Variants in DLG2 observed in about 807,000 individuals in gnomAD.
DLG2 encodes disks large homolog 2.
In DLG2, 45 loss-of-function variants were observed where a neutral mutation model predicts 132.5. That is an observed-to-expected ratio of 0.34 (90% confidence interval 0.27 to 0.44). DLG2 has a LOEUF of 0.44. DLG2 is among the 20% of genes least tolerant of loss of function. The pLI is 1.00. For missense variants in DLG2, 1,045 were observed against 1,196.9 expected (o/e 0.87, Z 1.87); for synonymous variants, 424 against 419.6 (o/e 1.01, Z -0.13).
At chr11:83,983,138 G>A (rs1241553350) in intron 11 of DLG2, among the ~76,000 whole-genome samples, 1 of 152,010 alleles carries the variant, frequency 6.6e-6, no homozygotes, top group East Asian at 1.9e-4. Context: ...CATTTTAAAG[G>A]AATAATTAAT....
rs1458088688 is a variant in DLG2 at position 83,949,798 on chromosome 11, T to C, written c.1340+13087A>G. On this transcript the variant is annotated intron_variant, in intron 14 of 27. Coordinates refer to ENST00000376104, the MANE Select transcript of DLG2 (RefSeq NM_001142699.3). Reference sequence around the variant, plus strand: ...CAGTTCCAAAAGTCATGCTACTTCCTTCCACTTACCTTCCTGCCTCTAAAA... The same window carrying C: ...CAGTTCCAAAAGTCATGCTACTTCCCTCCACTTACCTTCCTGCCTCTAAAA... Among the ~76,000 whole-genome samples the C allele has an allele frequency of 2.6e-5, 4 of 152,270 alleles. No individual in the cohort carries two copies. In the East Asian group the frequency reaches 5.8e-4, roughly 22 times the overall value.
chr11:85,471,027 C>T (rs1268232106), intron 3 of DLG2, among the ~76,000 whole-genome samples: 1 of 152,172 alleles, frequency 6.6e-6, no homozygotes, highest in African/African-American at 2.4e-5. Context: ...CCCTTATTTA[C>T]ATTTGAAAGA....
At chr11:84,714,617 T>TCTCTCTCTCTCTCTCTCTC (rs2060938628) in intron 6 of DLG2, among the ~76,000 whole-genome samples, 1 of 96,604 alleles carries the variant, frequency 1.0e-5, no homozygotes, top group African/African-American at 4.4e-5. Context: ...CTCTTTCTCT[T>TCTCTCTCTCTCTCTCTCTC]TCTCTTTCTC....
chr11:83,779,224 G>T (rs2094708238), intron 18 of DLG2, among the ~76,000 whole-genome samples: 1 of 152,076 alleles, frequency 6.6e-6, no homozygotes, highest in Non-Finnish European at 1.5e-5. Flanking sequence ...CAGCTGGCTG[G>T]CTGGCTGGAT....
At chr11:84,005,288 G>T (rs2094527882) in intron 11 of DLG2, among the ~76,000 whole-genome samples, 1 of 151,878 alleles carries the variant, frequency 6.6e-6, no homozygotes, top group South Asian at 2.1e-4. Flanking sequence ...AGGAATATTG[G>T]ATATCCACAT....
intron 18 of DLG2, among the ~76,000 whole-genome samples, chr11:83,684,857 CTT>C (rs1170273257): frequency 6.6e-6 from 1 of 152,032 alleles, no homozygotes; most frequent in East Asian, 1.9e-4. Context: ...CATGATAACT[CTT>C]ATATTGTAGC....
intron 11 of DLG2, among the ~76,000 whole-genome samples, chr11:84,021,905 A>G (rs569778350): frequency 1.8e-4 from 28 of 152,026 alleles, no homozygotes; most frequent in African/African-American, 6.0e-4. Flanking sequence ...GTGCCACCAC[A>G]CCTGGCTAAT....
chr11:84,059,825 C>T (rs751497971), intron 10 of DLG2, among the ~76,000 whole-genome samples: 1 of 152,086 alleles, frequency 6.6e-6, no homozygotes, highest in Non-Finnish European at 1.5e-5. Context: ...ATTGGTTTGA[C>T]TGAAAGTTAC....
At chr11:84,972,696 C>A (rs1340000067) in intron 6 of DLG2, among the ~76,000 whole-genome samples, 1 of 152,180 alleles carries the variant, frequency 6.6e-6, no homozygotes, top group Non-Finnish European at 1.5e-5. Context: ...CAAGTGTTCT[C>A]CCGAATATTA....
intron 6 of DLG2, among the ~76,000 whole-genome samples, chr11:84,761,819 T>C (rs2067667796): frequency 6.6e-6 from 1 of 152,158 alleles, no homozygotes; most frequent in Admixed American, 6.5e-5. Context: ...CTTTACTTTG[T>C]GATTGTGTGA....
At chr11:84,339,669 C>A (rs1262726804) in intron 7 of DLG2, among the ~76,000 whole-genome samples, 5 of 152,150 alleles carry the variant, frequency 3.3e-5, no homozygotes, top group African/African-American at 1.2e-4. Context: ...CTATCAAGAT[C>A]ATCCCTTAGG....
At position 83,965,346 on chromosome 11, in the gene DLG2, A is replaced by T; in HGVS notation, c.1179T>A (p.Tyr393Ter). 6.2e-7 allele frequency: 1 copy of T among 1,611,276 alleles called. No individual in the cohort carries two copies. Among genetic ancestry groups the T allele is most frequent in the Non-Finnish European group, 8.5e-7 (1 of 1,178,432 alleles). ...TACAGTGAGTAATATCAGGTGGACC[A>T]TAAGGATCAGTCATATAAATGGTAG... Reference protein sequence around the residue: ...KPTTIYMTDPYGPPDITHSYS... With the variant: ...KPTTIYMTDP Residue 393 changes from tyrosine (Y) to a stop codon, truncating the protein, a stop_gained, in exon 13 of 28, where the codon TAT (tyrosine) becomes TAA (stop). Transcript: ENST00000376104. LOFTEE classifies it high-confidence loss of function.
intron 17 of DLG2, among the ~76,000 whole-genome samples, chr11:83,825,160 T>C (rs1455566565): frequency 1.0e-5 from 1 of 98,332 alleles, no homozygotes; most frequent in African/African-American, 4.7e-5. Context: ...CACATATATA[T>C]ATATATATAT....
At chr11:83,517,016 C>T (rs548250621) in intron 21 of DLG2, among the ~76,000 whole-genome samples, 1 of 152,256 alleles carries the variant, frequency 6.6e-6, no homozygotes, top group African/African-American at 2.4e-5. Flanking sequence ...AGTTGCTCTT[C>T]TCAAGGAGTA....
At chr11:85,297,507 T>G (rs776164716) in intron 3 of DLG2, among the ~76,000 whole-genome samples, 49 of 152,210 alleles carry the variant, frequency 3.2e-4, no homozygotes, top group Admixed American at 7.2e-4. Context: ...ACTATGCTGA[T>G]AGTTCCACTA....
chr11:85,147,418 C>G (rs1444200687), intron 5 of DLG2, among the ~76,000 whole-genome samples: 1 of 152,092 alleles, frequency 6.6e-6, no homozygotes, highest in African/African-American at 2.4e-5. Flanking sequence ...TTTTATATAC[C>G]TGTTGGACAT....
chr11:85,267,110 T>C (rs1202096049), intron 4 of DLG2, among the ~76,000 whole-genome samples: 1 of 152,222 alleles, frequency 6.6e-6, no homozygotes, highest in Non-Finnish European at 1.5e-5. Context: ...TGTGATGTTA[T>C]TTAGGCCTTT....
At chr11:84,820,292 C>T (rs1447615067) in intron 6 of DLG2, among the ~76,000 whole-genome samples, 17 of 151,808 alleles carry the variant, frequency 1.1e-4, no homozygotes, top group Non-Finnish European at 1.5e-5. Flanking sequence ...CTTGTGATGG[C>T]CTTACTTCAC....
chr11:85,379,432 T>C (rs1174090040), intron 3 of DLG2, among the ~76,000 whole-genome samples: 20 of 152,196 alleles, frequency 1.3e-4, no homozygotes, highest in Admixed American at 1.1e-3. Context: ...TCTATCTCCC[T>C]ACATGTTCCT....
Sources: gnomAD v4.1 joint callset for allele counts (sites outside exome capture counted in the v4.1 genomes callset) on GRCh38, gnomAD v4.1.1 for gene constraint, MANE v1.5 for transcripts, NCBI Gene and HGNC (gene_info 2026-07-23, HGNC 2026-07-21) for gene names.